The following SERPINA3 variants were observed in gnomAD, a reference collection of about 807,000 sequenced individuals.
SERPINA3 encodes serpin family A member 3, also known as alpha-1-antichymotrypsin.
Under a neutral mutation model 26.8 loss-of-function variants are expected in SERPINA3, and 32 were observed. That is an observed-to-expected ratio of 1.20 (90% CI 0.90 to 1.61). The LOEUF (loss-of-function observed/expected upper bound fraction) is 1.61, where lower values mean the gene tolerates loss of function less well. Among genes scored for constraint, SERPINA3 ranks in the 40% most tolerant of loss-of-function variants. The pLI is 0.00. For synonymous variants in SERPINA3, 252 were observed against 206.4 expected, an observed-to-expected ratio of 1.22 and a Z score of -1.89; for missense variants, 632 against 517.9, an observed-to-expected ratio of 1.22 and a Z score of -2.14.
intron 1 of SERPINA3, chr14:94,613,764 T>C (rs943828466): frequency 6.6e-6 from 1 of 152,340 alleles, no homozygotes; most frequent in Non-Finnish European, 1.5e-5. Flanking sequence ...AGAAGAACAT[T>C]TGCCTTTCTT....
In SERPINA3 at chr14:94,614,659, T is replaced by G; in HGVS notation, c.218T>G (p.Val73Gly). The change falls in exon 2 of 5, where the codon GTC (valine) becomes GGC (glycine). Residue 73 changes from valine to glycine, a missense_variant. By Grantham distance (109) the Val-to-Gly change is moderately radical. Transcript: ENST00000393078. The part of the protein sequence containing the change: ...QLVLKAPDKN[V>G]IFSPLSISTA... ...GTCCTGAAGGCCCCTGATAAGAATG[T>G]CATCTTCTCCCCACTGAGCATCTCC... The G allele has an allele frequency of 2.5e-6, 4 of 1,614,084 alleles. No individual in the cohort carries two copies. The highest frequency in any genetic ancestry group is 3.4e-6 in the Non-Finnish European group (4 of 1,180,016).
At chr14:94,621,165 C>T (rs1202093307) in intron 3 of SERPINA3, among the ~76,000 whole-genome samples, 1 of 152,174 alleles carries the variant, frequency 6.6e-6, no homozygotes, top group Non-Finnish European at 1.5e-5. Flanking sequence ...CCCCTCCTCA[C>T]TCTAGATCCC....
chr14:94,616,026 G>A (rs577022123), intron 2 of SERPINA3, among the ~76,000 whole-genome samples: 1 of 152,294 alleles, frequency 6.6e-6, no homozygotes, highest in African/African-American at 2.4e-5. Context: ...TTCCCCTCCT[G>A]GGCCTGGGTT....
In SERPINA3 at chr14:94,614,969, T is replaced by C; in HGVS notation, c.528T>C (p.Ala176=). 7.4e-6 allele frequency: 12 copies of C among 1,613,602 alleles called. No homozygotes were observed. Among genetic ancestry groups the C allele is most frequent in the Non-Finnish European group, 1.0e-5 (12 of 1,179,508 alleles). ...CTGACTTTCAGGACTCAGCTGCAGC[T>C]AAGAAGCTCATCAACGACTACGTGA... The part of the protein sequence containing the change: ...FATDFQDSAA[A]KKLINDYVKN... Residue 176 remains alanine, a synonymous_variant, in exon 2 of 5, where the codon GCT becomes GCC. Transcript: ENST00000393078.
intron 2 of SERPINA3, among the ~76,000 whole-genome samples, chr14:94,616,759 C>T (rs953049895): frequency 1.3e-5 from 2 of 152,058 alleles, no homozygotes; most frequent in African/African-American, 2.4e-5. Context: ...AAGCGAAGGC[C>T]GTTACAGCAG....
intron 2 of SERPINA3, among the ~76,000 whole-genome samples, chr14:94,616,540 C>T (rs1015096903): frequency 6.6e-6 from 1 of 152,128 alleles, no homozygotes; most frequent in Non-Finnish European, 1.5e-5. Context: ...GTGCTTGTTC[C>T]CTCCCTTTCT....
intron 1 of SERPINA3, among the ~76,000 whole-genome samples, 187 bp downstream of exon 1, chr14:94,612,634 C>T (rs115446607): frequency 0.033 from 4,991 of 152,220 alleles, 279 homozygotes; most frequent in African/African-American, 0.11. Flanking sequence ...TTAGAGGCAT[C>T]CTCTGTGTCT....
intron 3 of SERPINA3, among the ~76,000 whole-genome samples, chr14:94,621,486 A>G (rs1886199293): frequency 6.6e-6 from 1 of 152,176 alleles, no homozygotes; most frequent in African/African-American, 2.4e-5. Flanking sequence ...TTAATGGAAG[A>G]CACAGCCTCC....
chr14:94,618,593 T>G (rs1363167823), intron 2 of SERPINA3: 1 of 172,628 alleles, frequency 5.8e-6, no homozygotes, highest in Admixed American at 5.4e-5. Flanking sequence ...ATGTCACAAG[T>G]GTCCCTAGGC....
intron 4 of SERPINA3, among the ~76,000 whole-genome samples, chr14:94,623,071 G>A (rs1595100180): frequency 1.3e-5 from 2 of 152,180 alleles, no homozygotes; most frequent in Admixed American, 1.3e-4. Flanking sequence ...AAACAGCAAA[G>A]TAAGAGAGGG....
intron 3 of SERPINA3, 77 bp downstream of exon 3, chr14:94,619,545 G>T (rs2139961327): frequency 6.4e-7 from 1 of 1,573,764 alleles, no homozygotes; most frequent in Non-Finnish European, 8.7e-7. Flanking sequence ...CAAGGGCATG[G>T]TGGTGGGAGA....
intron 4 of SERPINA3, 76 bp from the exon 5 acceptor site, chr14:94,623,535 T>G: frequency 7.3e-7 from 1 of 1,367,864 alleles, no homozygotes; most frequent in East Asian, 2.3e-5. Flanking sequence ...ATTAGACCCC[T>G]TAGTGGCACA....
In SERPINA3 at chr14:94,623,667, C is replaced by T. The variant is rs1420131111; in HGVS notation, c.1125C>T (p.Ala375=). Residue 375 remains alanine (A), a synonymous_variant, in exon 5 of 5, where the codon GCC becomes GCT. Coordinates refer to ENST00000393078, the MANE Select transcript of SERPINA3 (RefSeq NM_001085.5). ...VFEEGTEASA[A]TAVKITLLSA... ...AGGAGGGCACAGAAGCATCTGCTGC[C>T]ACAGCAGTCAAAATCACCCTCCTTT... 2.5e-6 allele frequency: 4 copies of T among 1,614,036 alleles called. No homozygotes were observed. Among genetic ancestry groups the T allele is most frequent in the African/African-American group, 1.3e-5 (1 of 74,904 alleles).
At chr14:94,612,905 A>G (rs949068428) in intron 1 of SERPINA3, among the ~76,000 whole-genome samples, 17 of 152,154 alleles carry the variant, frequency 1.1e-4, no homozygotes, top group African/African-American at 4.1e-4. Context: ...CCACTTCCCC[A>G]AAAGGACCCC....
In SERPINA3 at chr14:94,619,329, T is replaced by C. The variant is rs1886112769; in HGVS notation, c.778T>C (p.Ser260Pro). The change falls in exon 3 of 5, where the codon TCC (serine) becomes CCC (proline). Residue 260 changes from serine (S) to proline (P), a missense_variant. Physicochemically the swap from Ser to Pro is moderately conservative, Grantham distance 74 (BLOSUM62 -1). Transcript: ENST00000393078. ...ACCTTACTTCCGGGACGAGGAGCTG[T>C]CCTGCACCGTGGTGGAGCTGAAGTA... is the stretch of plus-strand genomic sequence containing the variant. ...TIPYFRDEELSCTVVELKYTG... is the reference protein window; with the variant it reads ...TIPYFRDEELPCTVVELKYTG... The C allele has an allele frequency of 6.2e-7, 1 of 1,614,198 alleles. No individual in the cohort carries two copies. Among genetic ancestry groups the C allele is most frequent in the East Asian group, 2.2e-5 (1 of 44,874 alleles).
At position 94,619,264 on chromosome 14, in the gene SERPINA3, G is replaced by A. The variant is rs189526562; in HGVS notation, c.713G>A (p.Trp238Ter). Reference sequence around the variant, plus strand: ...AGGTTCTACTTGAGCAAGAAAAAGTGGGTAATGGTGCCCATGATGAGTTTG... The same window carrying A: ...AGGTTCTACTTGAGCAAGAAAAAGTAGGTAATGGTGCCCATGATGAGTTTG... ...QSRFYLSKKK[W>*]VMVPMMSLHH... Residue 238 changes from tryptophan to a stop codon, truncating the protein, a stop_gained, in exon 3 of 5, where the codon TGG (tryptophan) becomes TAG (stop). Transcript: ENST00000393078. LOFTEE classifies it high-confidence loss of function. 1.9e-6 allele frequency: 3 copies of A among 1,614,096 alleles called. No homozygotes were observed. In the East Asian group the frequency reaches 6.7e-5, roughly 36 times the overall value.
chr14:94,619,706 A>G (rs1886131968), intron 3 of SERPINA3: 1 of 574,828 alleles, frequency 1.7e-6, no homozygotes, highest in Non-Finnish European at 3.1e-6. Context: ...GTTCTAAGTC[A>G]TGAGAAATCT....
chr14:94,614,511 C>T lies in SERPINA3; in HGVS notation c.70C>T (p.His24Tyr), dbSNP rs149527088. ...TGGGTTCTGCCCTGCTGTCCTCTGCCACCCTAACAGCCCACTTGACGAGGA... is the reference window on the plus strand; with the variant it reads ...TGGGTTCTGCCCTGCTGTCCTCTGCTACCCTAACAGCCCACTTGACGAGGA... ...AAGFCPAVLC[H>Y]PNSPLDEENL... The change falls in exon 2 of 5, where the codon CAC becomes TAC. Residue 24 changes from histidine (H) to tyrosine (Y), a missense_variant. Physicochemically the swap from His to Tyr is moderately conservative, Grantham distance 83 (BLOSUM62 2). Transcript: ENST00000393078. 75 of 1,613,874 alleles carry T rather than the reference C, an allele frequency of 4.6e-5. No individual in the cohort carries two copies. In the African/African-American group the frequency reaches 9.5e-4, roughly 20 times the overall value.
chr14:94,623,805 G>T lies in SERPINA3; in HGVS notation c.1263G>T (p.Lys421Asn). 2 of 1,614,004 alleles carry T rather than the reference G, an allele frequency of 1.2e-6. No individual in the cohort carries two copies. Among genetic ancestry groups the T allele is most frequent in the Non-Finnish European group, 1.7e-6 (2 of 1,179,994 alleles). Residue 421 changes from lysine (K) to asparagine (N), a missense_variant, in exon 5 of 5, where the codon AAG becomes AAT. Physicochemically the swap from Lys to Asn is moderately conservative, Grantham distance 94. Transcript: ENST00000393078. ...IFFMSKVTNP[K>N]QA is the part of the protein sequence containing the mutation. The stretch of plus-strand genomic sequence containing the variant: ...TCATGAGCAAAGTCACCAATCCCAA[G>T]CAAGCCTAGAGCTTGCCATCAAGCA...
Sources: allele counts gnomAD v4.1 joint callset (sites outside exome capture counted in the v4.1 genomes callset), GRCh38; gene constraint gnomAD v4.1.1; transcripts MANE v1.5; gene names NCBI Gene and HGNC (gene_info 2026-07-23, HGNC 2026-07-21).